CACYBP: variants seen among roughly 807,000 people sequenced by gnomAD.
CACYBP encodes the protein calcyclin binding protein, also known as calcyclin-binding protein.
In CACYBP, 11 loss-of-function variants were observed where a neutral mutation model predicts 29.6. The observed-to-expected ratio is 0.37, with a 90% CI of 0.23 to 0.61. CACYBP has a LOEUF of 0.61. Ranked by LOEUF, CACYBP falls within the 20% of genes least tolerant of loss-of-function variation. The probability of loss-of-function intolerance (pLI) is 0.65; values close to 1 mark genes in which losing one functional copy is unlikely to be tolerated. For synonymous variants in CACYBP, 73 were observed against 88.3 expected, an observed-to-expected ratio of 0.83 and a Z score of 0.97; for missense variants, 163 against 260.7, an observed-to-expected ratio of 0.63 and a Z score of 2.58.
chr1:175,002,371 AATG>A (rs1477418588), intron 1 of CACYBP, among the ~76,000 whole-genome samples: 1 of 152,060 alleles, frequency 6.6e-6, no homozygotes, highest in Non-Finnish European at 1.5e-5. Flanking sequence ...GCGTTTACCC[AATG>A]ATGAAGATGT....
intron 1 of CACYBP, among the ~76,000 whole-genome samples, chr1:175,000,839 C>T (rs1273690879): frequency 6.6e-6 from 1 of 152,130 alleles, no homozygotes; most frequent in Non-Finnish European, 1.5e-5. Context: ...AGTAAGAAAG[C>T]GAATGGCCTG....
At chr1:175,009,602 C>T (rs1258690763) in intron 5 of CACYBP, among the ~76,000 whole-genome samples, 6 of 147,584 alleles carry the variant, frequency 4.1e-5, no homozygotes, top group East Asian at 2.0e-4. Context: ...AACCGAGATG[C>T]GCCACTGCAC....
At position 175,004,002 on chromosome 1, in the gene CACYBP, A is replaced by AGACT. The variant is rs542607913; in HGVS notation, c.16-608_16-605dup. Among the ~76,000 whole-genome samples, 346 of 152,290 alleles carry AGACT rather than the reference A, an allele frequency of 2.3e-3. 2 individuals carry two copies. The highest frequency in any genetic ancestry group is 7.3e-3 in the African/African-American group (305 of 41,554). On this transcript the variant is annotated intron_variant, in intron 1 of 5. Coordinates refer to ENST00000367679, the MANE Select transcript of CACYBP (RefSeq NM_014412.3). ...ACCAACTCCTACACTTCTGAGTGTA[A>AGACT]GACTGACCCAGCTTCAGAGCAAGAC...
At chr1:175,005,218 T>G (rs530786259) in intron 2 of CACYBP, among the ~76,000 whole-genome samples, 1 of 152,324 alleles carries the variant, frequency 6.6e-6, no homozygotes, top group East Asian at 1.9e-4. Context: ...TTTGAGCACC[T>G]AATGTGTATC....
At position 175,009,939 on chromosome 1, in the gene CACYBP, A is replaced by G; in HGVS notation, c.547A>G (p.Thr183Ala). The G allele has an allele frequency of 6.2e-7, 1 of 1,612,596 alleles. No homozygotes were observed. The highest frequency in any genetic ancestry group is 8.5e-7 in the Non-Finnish European group (1 of 1,179,184). ...TTTTTAAAGGAAGCCCTCCTATGAC[A>G]CTGAAACAGATCCTAGTGAGGGATT... ...CKEKEKPSYD[T>A]ETDPSEGLMN... Residue 183 changes from threonine (T) to alanine (A), a missense_variant, in exon 6 of 6, where the codon ACT (threonine) becomes GCT (alanine). Thr to Ala is a moderately conservative substitution (Grantham distance 58). Transcript: ENST00000367679.
In CACYBP at chr1:175,011,668, C is replaced by T. The variant is rs1267912648; in HGVS notation, c.*1589C>T. The T allele has an allele frequency of 6.6e-6, 1 of 152,170 alleles. No individual in the cohort carries two copies. Among genetic ancestry groups the T allele is most frequent in the Non-Finnish European group, 1.5e-5 (1 of 68,040 alleles). 9.4% of individuals were successfully genotyped at this position (152,170 alleles called of 1,614,324 possible). A position where few individuals can be genotyped will look rare whatever the true frequency, so the allele number is the denominator to read the frequency against. On this transcript the variant is annotated 3_prime_UTR_variant, in exon 6 of 6. Coordinates refer to ENST00000367679, the MANE Select transcript of CACYBP (RefSeq NM_014412.3). ...AAATGACCTTTAACATGTAAAGATGCTCACCTTGTTCAGAAGAGAATAAAC... is the reference window on the plus strand; with the variant it reads ...AAATGACCTTTAACATGTAAAGATGTTCACCTTGTTCAGAAGAGAATAAAC...
At chr1:175,009,643 CAAA>C (rs67446162) in intron 5 of CACYBP, among the ~76,000 whole-genome samples, 7 of 100,490 alleles carry the variant, frequency 7.0e-5, no homozygotes, top group Admixed American at 1.1e-4. Context: ...AGGACTGTCT[CAAA>C]AAAAAAAAAA....
chr1:175,010,353 T>G lies in CACYBP; in HGVS notation c.*274T>G, dbSNP rs1672719150. Reference sequence around the variant, plus strand: ...TCTCACGTGAAATATAAAAAGCAAGTCTTGCCCAATAAAAACGCTACATTG... The same window carrying G: ...TCTCACGTGAAATATAAAAAGCAAGGCTTGCCCAATAAAAACGCTACATTG... On this transcript the variant is annotated 3_prime_UTR_variant, in exon 6 of 6. Coordinates refer to ENST00000367679, the MANE Select transcript of CACYBP (RefSeq NM_014412.3). The G allele has an allele frequency of 8.6e-6, 2 of 231,636 alleles. No individual in the cohort carries two copies. Among genetic ancestry groups the G allele is most frequent in the African/African-American group, 4.5e-5 (2 of 44,340 alleles). The allele number at this position is 231,636 out of a possible 1,614,324, so 14.3% of individuals were successfully genotyped here. A position where few individuals can be genotyped will look rare whatever the true frequency, so the allele number is the denominator to read the frequency against.
intron 4 of CACYBP, 121 bp downstream of exon 4, chr1:175,007,318 G>A (rs1287494702): frequency 3.1e-6 from 2 of 639,238 alleles, no homozygotes; most frequent in African/African-American, 1.8e-5. Flanking sequence ...CGCCTGTTTT[G>A]TGAATGTTTT....
intron 1 of CACYBP, among the ~76,000 whole-genome samples, chr1:175,001,065 T>C (rs1672474184): frequency 6.6e-6 from 1 of 152,230 alleles, no homozygotes; most frequent in Admixed American, 6.5e-5. Flanking sequence ...AGCTTTTGTT[T>C]TGTTTTGTTT....
At chr1:175,008,201 A>C in intron 4 of CACYBP, among the ~76,000 whole-genome samples, 1 of 151,862 alleles carries the variant, frequency 6.6e-6, no homozygotes, top group Admixed American at 6.6e-5. Flanking sequence ...TGTCTTTTTC[A>C]GTCACTAAAA....
At position 175,011,306 on chromosome 1, in the gene CACYBP, TAGC is replaced by T. The variant is rs1385196564; in HGVS notation, c.*1230_*1232del. 3.9e-5 allele frequency: 6 copies of T among 152,036 alleles called. No individual in the cohort carries two copies. Among genetic ancestry groups the T allele is most frequent in the Admixed American group, 1.3e-4 (2 of 15,258 alleles). 9.4% of individuals were successfully genotyped at this position (152,036 alleles called of 1,614,324 possible). A position where few individuals can be genotyped will look rare whatever the true frequency, so the allele number is the denominator to read the frequency against. Reference sequence around the variant, plus strand: ...AATTGGGGTTGACACATGAACAGAATAGCAGACACAATGCATATGAAAGTTACA... The same window carrying T: ...AATTGGGGTTGACACATGAACAGAATAGACACAATGCATATGAAAGTTACA... On this transcript the variant is annotated 3_prime_UTR_variant, in exon 6 of 6. Transcript: ENST00000367679.
chr1:175,003,975 C>T (rs934822729), intron 1 of CACYBP, among the ~76,000 whole-genome samples: 2 of 152,186 alleles, frequency 1.3e-5, no homozygotes, highest in Non-Finnish European at 2.9e-5. Context: ...ACCTTCTGTG[C>T]AACCAACTCC....
At position 174,999,987 on chromosome 1, in the gene CACYBP, G is replaced by C. The variant is rs1035216613; in HGVS notation, c.-194G>C. On this transcript the variant is annotated 5_prime_UTR_variant, in exon 1 of 6. Transcript: ENST00000367679. ...CTCGCGGTGGGCGGTGGCGGCGGCT[G>C]CCTCGCGAAGGTTCGAGATCCGTCG... 3.1e-5 allele frequency: 23 copies of C among 736,890 alleles called. No individual in the cohort carries two copies. Among genetic ancestry groups the C allele is most frequent in the Non-Finnish European group, 3.7e-5 (17 of 460,966 alleles). The allele number at this position is 736,890 out of a possible 1,614,324, so 45.6% of individuals were successfully genotyped here.
Position 174,999,997 on chromosome 1 carries a change from G to T in CACYBP, c.-184G>T. 1 of 826,458 alleles carries T rather than the reference G, an allele frequency of 1.2e-6. No individual in the cohort carries two copies. Among genetic ancestry groups the T allele is most frequent in the South Asian group, 1.7e-5 (1 of 60,222 alleles). The allele number at this position is 826,458 out of a possible 1,614,324, so 51.2% of individuals were successfully genotyped here. Reference sequence around the variant, plus strand: ...GCGGTGGCGGCGGCTGCCTCGCGAAGGTTCGAGATCCGTCGCGTGCGGGAG... The same window carrying T: ...GCGGTGGCGGCGGCTGCCTCGCGAATGTTCGAGATCCGTCGCGTGCGGGAG... On this transcript the variant is annotated 5_prime_UTR_variant, in exon 1 of 6. It adds an upstream start codon to the 5' untranslated region. Coordinates refer to ENST00000367679, the MANE Select transcript of CACYBP (RefSeq NM_014412.3).
Position 175,000,139 on chromosome 1 carries a change from C to A in CACYBP, c.-42C>A, listed in dbSNP as rs556625983. The A allele has an allele frequency of 8.8e-6, 14 of 1,593,886 alleles. No individual in the cohort carries two copies. In the African/African-American group the frequency reaches 1.2e-4, roughly 14 times the overall value. ...GGCGCGGGGTTTCCTGTTCCTCCTTCTGCGCGGCTGCAGCTCGGGACTTCG... is the reference window on the plus strand; with the variant it reads ...GGCGCGGGGTTTCCTGTTCCTCCTTATGCGCGGCTGCAGCTCGGGACTTCG... On this transcript the variant is annotated 5_prime_UTR_variant, in exon 1 of 6. In the 5' UTR this introduces an upstream ATG that the reference lacks. Transcript: ENST00000367679.
At chr1:175,007,858 A>C (rs944083238) in intron 4 of CACYBP, among the ~76,000 whole-genome samples, 3 of 152,258 alleles carry the variant, frequency 2.0e-5, no homozygotes, top group Non-Finnish European at 4.4e-5. Context: ...AATTTTTACT[A>C]AATCAGATAG....
intron 1 of CACYBP, among the ~76,000 whole-genome samples, chr1:175,001,111 A>G (rs995721986): frequency 2.0e-5 from 3 of 152,234 alleles, no homozygotes; most frequent in African/African-American, 7.2e-5. Flanking sequence ...CTTTAAATGA[A>G]GAAAAACTAT....
intron 5 of CACYBP, 24 bp from the exon 6 acceptor site, chr1:175,009,899 G>A (rs1204738524): frequency 1.9e-6 from 3 of 1,590,456 alleles, no homozygotes; most frequent in Non-Finnish European, 1.7e-6. Flanking sequence ...TTTCCCCATT[G>A]TTGTATATGT....
Sources: gnomAD v4.1 joint callset for allele counts (sites outside exome capture counted in the v4.1 genomes callset) on GRCh38, gnomAD v4.1.1 for gene constraint, MANE v1.5 for transcripts, NCBI Gene and HGNC (gene_info 2026-07-23, HGNC 2026-07-21) for gene names.